The following KCNMB1 variants were observed in gnomAD, a reference collection of about 807,000 sequenced individuals.
KCNMB1 encodes potassium calcium-activated channel subfamily M regulatory beta subunit 1, also known as calcium-activated potassium channel subunit beta-1.
KCNMB1 carries 22 observed loss-of-function variants against 21.7 expected under a neutral mutation model. The ratio of observed to expected loss-of-function variants is 1.01; its 90% CI spans 0.72 to 1.45. The LOEUF (loss-of-function observed/expected upper bound fraction) is 1.45, where lower values mean the gene tolerates loss of function less well. KCNMB1 is among the 40% of genes most tolerant of loss of function. The probability of loss-of-function intolerance (pLI) is 0.00; values close to 1 mark genes in which losing one functional copy is unlikely to be tolerated. For missense variants in KCNMB1, 243 were observed against 243.4 expected (o/e 1.00, Z 0.01); for synonymous variants, 114 against 107.6 (o/e 1.06, Z -0.37).
intron 3 of KCNMB1, 147 bp from the exon 4 acceptor site, chr5:170,379,120 C>G (rs954557383): frequency 3.2e-6 from 3 of 940,732 alleles, no homozygotes; most frequent in Non-Finnish European, 4.7e-6. Flanking sequence ...GCAGGCCATG[C>G]GCTGTACAGG....
Position 170,375,179 on chromosome 5 carries a change from C to G in KCNMB1, c.*3525G>C, listed in dbSNP as rs1347097354. On this transcript the variant is annotated 3_prime_UTR_variant, in exon 4 of 4. Coordinates refer to ENST00000274629, the MANE Select transcript of KCNMB1 (RefSeq NM_004137.4). Reference sequence around the variant, plus strand: ...CTTTACGAAATAATACAGAGACATTCCGTGCCCCCTCTACCTAATGTCCCC... The same window carrying G: ...CTTTACGAAATAATACAGAGACATTGCGTGCCCCCTCTACCTAATGTCCCC... 6.6e-6 allele frequency: 1 copy of G among 152,326 alleles called. No homozygotes were observed. The highest frequency in any genetic ancestry group is 2.4e-5 in the African/African-American group (1 of 41,570). The allele number at this position is 152,326 out of a possible 1,614,324, so 9.4% of individuals were successfully genotyped here. A position where few individuals can be genotyped will look rare whatever the true frequency, so the allele number is the denominator to read the frequency against.
In KCNMB1 at chr5:170,378,864, G is replaced by T. The variant is rs764919980; in HGVS notation, c.416C>A (p.Pro139His). The stretch of plus-strand genomic sequence containing the variant: ...TAGGACGCTGGTTTCGTTCCCCCGA[G>T]GTGCGGAGAAGCAGTAGAAGACCTG... ...EQQVFYCFSAPRGNETSVLFQ... is the reference protein window; with the variant it reads ...EQQVFYCFSAHRGNETSVLFQ... Residue 139 changes from proline (P) to histidine (H), a missense_variant, in exon 4 of 4, where the codon CCT becomes CAT. Transcript: ENST00000274629. The T allele has an allele frequency of 6.2e-7, 1 of 1,614,268 alleles. No homozygotes were observed. The highest frequency in any genetic ancestry group is 1.6e-4 in the Middle Eastern group (1 of 6,062).
chr5:170,383,578 T>C, intron 3 of KCNMB1, 101 bp downstream of exon 3: 1 of 1,307,722 alleles, frequency 7.6e-7, no homozygotes, highest in Middle Eastern at 1.8e-4. Context: ...CCTGGTCAAG[T>C]GGGTTGATCT....
intron 3 of KCNMB1, among the ~76,000 whole-genome samples, chr5:170,381,392 G>C (rs1357731320): frequency 6.6e-6 from 1 of 152,238 alleles, no homozygotes; most frequent in Non-Finnish European, 1.5e-5. Context: ...GAAAAGCTGA[G>C]GGCAGACTAT....
In KCNMB1 at chr5:170,377,451, C is replaced by G. The variant is rs569904007; in HGVS notation, c.*1253G>C. 1 of 152,174 alleles carries G rather than the reference C, an allele frequency of 6.6e-6. No homozygotes were observed. Among genetic ancestry groups the G allele is most frequent in the East Asian group, 1.9e-4 (1 of 5,188 alleles). The allele number at this position is 152,174 out of a possible 1,614,324, so 9.4% of individuals were successfully genotyped here. On this transcript the variant is annotated 3_prime_UTR_variant, in exon 4 of 4. Transcript: ENST00000274629. ...AGGTGATGGCTTCTTCCCATTTTGC[C>G]CTTTTCAAATCTGAGATAGGCTTCC...
At chr5:170,388,055 A>G (rs1317984805) in intron 1 of KCNMB1, among the ~76,000 whole-genome samples, 5 of 152,262 alleles carry the variant, frequency 3.3e-5, no homozygotes, top group South Asian at 4.1e-4. Context: ...CTCCTCTGCT[A>G]TTTGGCTTCT....
intron 3 of KCNMB1, 70 bp downstream of exon 3, chr5:170,383,609 G>A (rs1371237506): frequency 6.5e-7 from 1 of 1,549,232 alleles, no homozygotes. Context: ...CGGGGACAGG[G>A]ACAGTTAGGA....
Position 170,378,591 on chromosome 5 carries a change from T to C in KCNMB1, c.*113A>G. On this transcript the variant is annotated 3_prime_UTR_variant, in exon 4 of 4. Coordinates refer to ENST00000274629, the MANE Select transcript of KCNMB1 (RefSeq NM_004137.4). The stretch of plus-strand genomic sequence containing the variant: ...CAACAGAAGACAGCGTGGATTGGAC[T>C]GGAAGAGTGGGAGGGCAGGTGGAGA... 8.9e-7 allele frequency: 1 copy of C among 1,119,574 alleles called. No individual in the cohort carries two copies. Among genetic ancestry groups the C allele is most frequent in the Non-Finnish European group, 1.3e-6 (1 of 779,964 alleles). The allele number at this position is 1,119,574 out of a possible 1,614,324, so 69.4% of individuals were successfully genotyped here. A position where few individuals can be genotyped will look rare whatever the true frequency, so the allele number is the denominator to read the frequency against.
intron 1 of KCNMB1, among the ~76,000 whole-genome samples, chr5:170,387,104 A>G (rs1293821217): frequency 1.3e-5 from 2 of 152,012 alleles, no homozygotes; most frequent in Non-Finnish European, 2.9e-5. Flanking sequence ...TGTTGTTTTT[A>G]TTTGTTTAAA....
Position 170,378,735 on chromosome 5 carries a change from T to C in KCNMB1, c.545A>G (p.Gln182Arg). The change falls in exon 4 of 4, where the codon CAG becomes CGG. Residue 182 changes from glutamine to arginine, a missense_variant. Physicochemically the swap from Gln to Arg is conservative, Grantham distance 43. Coordinates refer to ENST00000274629, the MANE Select transcript of KCNMB1 (RefSeq NM_004137.4). The part of the protein sequence containing the change: ...LLIIAMVKSN[Q>R]YLSILAAQK Reference sequence around the variant, plus strand: ...CTGGGCCGCCAGGATGGACAGGTACTGGTTGCTCTTCACCATGGCGATAAT... The same window carrying C: ...CTGGGCCGCCAGGATGGACAGGTACCGGTTGCTCTTCACCATGGCGATAAT... 2 of 1,613,902 alleles carry C rather than the reference T, an allele frequency of 1.2e-6. No individual in the cohort carries two copies. Among genetic ancestry groups the C allele is most frequent in the Non-Finnish European group, 1.7e-6 (2 of 1,179,928 alleles).
rs1381132611 is a variant in KCNMB1, at chr5:170,378,834, T to C, written c.446A>G (p.Gln149Arg). The C allele has an allele frequency of 1.2e-6, 2 of 1,614,090 alleles. No individual in the cohort carries two copies. Among genetic ancestry groups the C allele is most frequent in the Non-Finnish European group, 1.7e-6 (2 of 1,180,046 alleles). The change falls in exon 4 of 4, where the codon CAG (glutamine) becomes CGG (arginine). Residue 149 changes from glutamine (Q) to arginine (R), a missense_variant. Transcript: ENST00000274629. ...GAGGGCCTGGGGCCCGTAGAGGCGC[T>C]GGAATAGGACGCTGGTTTCGTTCCC... ...PRGNETSVLF[Q>R]RLYGPQALLF...
intron 2 of KCNMB1, 144 bp downstream of exon 2, chr5:170,385,170 T>G (rs1259012460): frequency 1.1e-5 from 10 of 910,966 alleles, no homozygotes; most frequent in Non-Finnish European, 1.2e-5. Context: ...ACTTGAACCC[T>G]AGAACCTAAG....
chr5:170,382,344 ACT>A (rs1345920218), intron 3 of KCNMB1, among the ~76,000 whole-genome samples: 1 of 151,840 alleles, frequency 6.6e-6, no homozygotes, highest in Non-Finnish European at 1.5e-5. Flanking sequence ...GTTTTTTAAG[ACT>A]CTTACAGGGT....
At chr5:170,379,679 CA>C (rs1183917476) in intron 3 of KCNMB1, among the ~76,000 whole-genome samples, 4 of 152,130 alleles carry the variant, frequency 2.6e-5, no homozygotes, top group Admixed American at 2.6e-4. Flanking sequence ...AGTTAGAAAC[CA>C]GATCACACCT....
intron 3 of KCNMB1, 69 bp from the exon 4 acceptor site, chr5:170,379,042 A>G (rs868218333): frequency 5.2e-6 from 8 of 1,545,314 alleles, no homozygotes; most frequent in Non-Finnish European, 6.1e-6. Flanking sequence ...CTTGATATGG[A>G]GTAAAGAAAA....
intron 2 of KCNMB1, 66 bp downstream of exon 2, chr5:170,385,248 G>T (rs1037552577): frequency 2.0e-5 from 31 of 1,575,740 alleles, no homozygotes; most frequent in Middle Eastern, 1.7e-4. Context: ...GAAGGCCAGG[G>T]TTCCTTACAG....
chr5:170,375,976 C>T lies in KCNMB1; in HGVS notation c.*2728G>A, dbSNP rs989927606. The T allele has an allele frequency of 6.6e-6, 1 of 152,202 alleles. No homozygotes were observed. Among genetic ancestry groups the T allele is most frequent in the Non-Finnish European group, 1.5e-5 (1 of 68,064 alleles). 9.4% of individuals were successfully genotyped at this position (152,202 alleles called of 1,614,324 possible). ...CACATCCCAAGTCCACATACTTAGCCACTGTCCTCTGTTGCTTCTCATCAT... is the reference window on the plus strand; with the variant it reads ...CACATCCCAAGTCCACATACTTAGCTACTGTCCTCTGTTGCTTCTCATCAT... On this transcript the variant is annotated 3_prime_UTR_variant, in exon 4 of 4. Coordinates refer to ENST00000274629, the MANE Select transcript of KCNMB1 (RefSeq NM_004137.4).
chr5:170,378,784 A>G lies in KCNMB1; in HGVS notation c.496T>C (p.Phe166Leu). The G allele has an allele frequency of 6.2e-7, 1 of 1,614,244 alleles. No individual in the cohort carries two copies. Among genetic ancestry groups the G allele is most frequent in the Non-Finnish European group, 8.5e-7 (1 of 1,180,022 alleles). Reference protein sequence around the residue: ...ALLFSLFWPTFLLTGGLLIIA... With the variant: ...ALLFSLFWPTLLLTGGLLIIA... ...ATGAGGAGGCCACCGGTCAGCAGGA[A>G]GGTGGGCCAGAAGAGGGAGAAGAGG... Residue 166 changes from phenylalanine (F) to leucine (L), a missense_variant, in exon 4 of 4, where the codon TTC becomes CTC. Physicochemically the swap from Phe to Leu is conservative, Grantham distance 22. Coordinates refer to ENST00000274629, the MANE Select transcript of KCNMB1 (RefSeq NM_004137.4).
At chr5:170,385,955 TAA>T (rs548199277) in intron 1 of KCNMB1, among the ~76,000 whole-genome samples, 2 of 141,756 alleles carry the variant, frequency 1.4e-5, no homozygotes, top group Non-Finnish European at 1.5e-5. Context: ...CCATCTCTAC[TAA>T]AAAAAAAAAA....
Sources: allele counts gnomAD v4.1 joint callset (sites outside exome capture counted in the v4.1 genomes callset), GRCh38; gene constraint gnomAD v4.1.1; transcripts MANE v1.5; gene names NCBI Gene and HGNC (gene_info 2026-07-23, HGNC 2026-07-21).